CCDC7: variants seen among roughly 807,000 people sequenced by gnomAD.
CCDC7 encodes coiled-coil domain-containing protein 7.
In CCDC7, 183 loss-of-function variants were observed where a neutral mutation model predicts 196.9. The observed-to-expected ratio is 0.93, with a 90% confidence interval of 0.82 to 1.05. The LOEUF (loss-of-function observed/expected upper bound fraction) is 1.05. CCDC7 is among the 50% of genes least tolerant of loss of function. The pLI is 0.00. For synonymous variants in CCDC7, 525 were observed against 484.6 expected (o/e 1.08, Z -1.10); for missense variants, 1,540 against 1,482.2 (o/e 1.04, Z -0.64).
intron 41 of CCDC7, 115 bp from the exon 43 acceptor site, chr10:32,876,232 C>A: frequency 1.4e-6 from 1 of 738,578 alleles, no homozygotes; most frequent in Non-Finnish European, 2.2e-6. Context: ...TTTCCATTTT[C>A]ATTGTTTATA....
chr10:32,652,709 C>T (rs2068995377), intron 20 of CCDC7, among the ~76,000 whole-genome samples: 1 of 152,086 alleles, frequency 6.6e-6, no homozygotes, highest in South Asian at 2.1e-4. Context: ...CTTTACTCCT[C>T]ACATTTTGAC....
At chr10:32,445,965 G>T (rs781279337), upstream of CCDC7, among the ~76,000 whole-genome samples, 21 of 152,208 alleles carry the variant, frequency 1.4e-4, no homozygotes, top group Non-Finnish European at 2.8e-4. Flanking sequence ...ACTTGGGAGA[G>T]AATAAGAAAG....
chr10:32,811,792 C>G (rs1185795810), intron 30 of CCDC7, among the ~76,000 whole-genome samples: 1 of 152,102 alleles, frequency 6.6e-6, no homozygotes, highest in Non-Finnish European at 1.5e-5. Flanking sequence ...GTCAATATCT[C>G]TGATGAACAT....
rs1482891109 is a variant in CCDC7, at chr10:32,846,445, TAA to T, written c.3676_3677del (p.Lys1226GlufsTer6). 1 of 1,593,208 alleles carries T rather than the reference TAA, an allele frequency of 6.3e-7. No homozygotes were observed. Among genetic ancestry groups the T allele is most frequent in the Admixed American group, 1.7e-5 (1 of 58,874 alleles). On this transcript the variant is annotated frameshift_variant, in exon 37 of 42. Transcript: ENST00000639629. LOFTEE classifies it high-confidence loss of function. ...ATAAAGGGACCAATCAGTGCACAATTAAAGAGTCACCAGGGTAAGAAAAATAA... is the reference window on the plus strand; with the variant it reads ...ATAAAGGGACCAATCAGTGCACAATTAGAGTCACCAGGGTAAGAAAAATAA...
intron 25 of CCDC7, among the ~76,000 whole-genome samples, chr10:32,716,672 A>G (rs906269714): frequency 1.3e-5 from 2 of 152,220 alleles, no homozygotes; most frequent in Non-Finnish European, 2.9e-5. Flanking sequence ...GCAGAGACAC[A>G]CATAGCCTCA....
At chr10:32,633,313 C>G (rs1564893407) in intron 18 of CCDC7, among the ~76,000 whole-genome samples, 1 of 152,198 alleles carries the variant, frequency 6.6e-6, no homozygotes, top group Non-Finnish European at 1.5e-5. Context: ...GAGGAATTCT[C>G]ATGGACATCT....
At chr10:32,498,830 A>G (rs1343452252) in intron 9 of CCDC7, among the ~76,000 whole-genome samples, 4 of 130,612 alleles carry the variant, frequency 3.1e-5, no homozygotes, top group African/African-American at 5.4e-5. Context: ...TTTTTTTTTC[A>G]TTTCTACCTT....
At chr10:32,870,562 T>C (rs2094391740) in intron 41 of CCDC7, among the ~76,000 whole-genome samples, 1 of 152,200 alleles carries the variant, frequency 6.6e-6, no homozygotes, top group African/African-American at 2.4e-5. Flanking sequence ...TTTGACTTCC[T>C]CTTTTCCTAA....
intron 12 of CCDC7, among the ~76,000 whole-genome samples, chr10:32,543,764 C>A: frequency 6.6e-6 from 1 of 151,980 alleles, no homozygotes; most frequent in Non-Finnish European, 1.5e-5. Flanking sequence ...TTGTATTATT[C>A]TTATAAAAAG....
At chr10:32,469,958 T>C (rs945241942) in intron 5 of CCDC7, among the ~76,000 whole-genome samples, 1 of 152,148 alleles carries the variant, frequency 6.6e-6, no homozygotes, top group Non-Finnish European at 1.5e-5. Flanking sequence ...TGCAGTAAAT[T>C]GATGACATTA....
chr10:32,675,030 C>A (rs965633866), intron 21 of CCDC7, among the ~76,000 whole-genome samples: 1 of 152,002 alleles, frequency 6.6e-6, no homozygotes, highest in African/African-American at 2.4e-5. Flanking sequence ...TATAGTGGAT[C>A]TTGCTTTTCT....
At chr10:32,622,673 C>T (rs1376816959) in intron 18 of CCDC7, among the ~76,000 whole-genome samples, 1 of 151,974 alleles carries the variant, frequency 6.6e-6, no homozygotes, top group Non-Finnish European at 1.5e-5. Context: ...AACAGCATGC[C>T]TGTTCTCCAT....
chr10:32,711,730 A>C, exon 25 of CCDC7: 1 of 1,525,176 alleles, frequency 6.6e-7, no homozygotes, highest in Non-Finnish European at 8.9e-7. Context: ...AGGACGTAGC[A>C]GTAAGTATAA....
intron 9 of CCDC7, chr10:32,513,207 T>G (rs1037856311): frequency 1.3e-5 from 2 of 152,090 alleles, no homozygotes; most frequent in Non-Finnish European, 2.9e-5. Flanking sequence ...AAATGGATAA[T>G]AAGGGAATAC....
At chr10:32,549,325 A>ATTGTGTGGATTGTGAAGTCCTT (rs2053075094) in intron 13 of CCDC7, among the ~76,000 whole-genome samples, 1 of 152,024 alleles carries the variant, frequency 6.6e-6, no homozygotes, top group East Asian at 1.9e-4. Flanking sequence ...CCTTTGTCAG[A>ATTGTGTGGATTGTGAAGTCCTT]TGTATGGATT....
chr10:32,714,743 G>A (rs904551671), intron 25 of CCDC7, among the ~76,000 whole-genome samples: 1 of 152,116 alleles, frequency 6.6e-6, no homozygotes, highest in African/African-American at 2.4e-5. Context: ...GGCTTGAGTA[G>A]GTGGTTTTCC....
chr10:32,806,087 T>C (rs2085781705), intron 30 of CCDC7, among the ~76,000 whole-genome samples: 1 of 152,158 alleles, frequency 6.6e-6, no homozygotes. Context: ...GGATCTGCCC[T>C]TGTGACACAA....
chr10:32,584,829 T>G (rs896593396), intron 18 of CCDC7, among the ~76,000 whole-genome samples: 1 of 150,752 alleles, frequency 6.6e-6, no homozygotes, highest in African/African-American at 2.4e-5. Context: ...AACTAAGATC[T>G]GTGTAAAGGG....
At chr10:32,680,224 C>T (rs557708202) in intron 21 of CCDC7, among the ~76,000 whole-genome samples, 29 of 152,170 alleles carry the variant, frequency 1.9e-4, no homozygotes, top group Admixed American at 4.6e-4. Flanking sequence ...TGGGCAGGTT[C>T]GCAGTCTTCC....
Sources: gnomAD v4.1 joint callset for allele counts (sites outside exome capture counted in the v4.1 genomes callset) on GRCh38, gnomAD v4.1.1 for gene constraint, MANE v1.5 for transcripts, NCBI Gene and HGNC (gene_info 2026-07-23, HGNC 2026-07-21) for gene names.